The following NET1 variants were observed in gnomAD, a reference collection of about 807,000 sequenced individuals.
The protein encoded by NET1 is neuroepithelial cell transforming 1, also known as neuroepithelial cell-transforming gene 1 protein.
A neutral mutation model predicts 61.1 loss-of-function variants in NET1; 42 were observed. The observed-to-expected ratio is 0.69, with a 90% CI of 0.54 to 0.89. The LOEUF (loss-of-function observed/expected upper bound fraction) is 0.89. Ranked by LOEUF, NET1 falls within the 40% of genes least tolerant of loss-of-function variation. The pLI, the probability that NET1 is intolerant of heterozygous loss-of-function variation, is 0.00. For missense variants in NET1, 654 were observed against 747.3 expected (o/e 0.88, Z 1.46); for synonymous variants, 254 against 281.8 (o/e 0.90, Z 0.99).
Position 5,456,495 on chromosome 10 carries a change from A to G in NET1, c.1385-93A>G. 1 of 1,273,632 alleles carries G rather than the reference A, an allele frequency of 7.9e-7. No individual in the cohort carries two copies. Among genetic ancestry groups the G allele is most frequent in the Non-Finnish European group, 1.1e-6 (1 of 922,994 alleles). The allele number at this position is 1,273,632 out of a possible 1,614,324, so 78.9% of individuals were successfully genotyped here. A position where few individuals can be genotyped will look rare whatever the true frequency, so the allele number is the denominator to read the frequency against. On this transcript the variant is annotated intron_variant, in intron 11 of 11. Transcript: ENST00000355029. This position sits in a 1 kb window ranked among gnomAD's most constrained non-coding sequence, Gnocchi z 7.0. ...CATTGACATAAATAAATTGCCATAA[A>G]TTGACAGTCACGTTAAGATTGTATG...
rs1483910219 is a variant in NET1, at chr10:5,412,802, G to A, written c.110G>A (p.Gly37Glu). The change falls in exon 1 of 12, where the codon GGG becomes GAG. Residue 37 changes from glycine to glutamate, a missense_variant. Coordinates refer to ENST00000355029, the MANE Select transcript of NET1 (RefSeq NM_001047160.3). The surrounding 1 kb of genome is among the most constrained non-coding windows in gnomAD (Gnocchi z 6.5). The part of the protein sequence containing the change: ...GATGPSADTS[G>E]SELDGRCSLR... ...ACGGGGCCTTCGGCCGACACCTCCG[G>A]GTCGGAGCTGGACGGGAGGTGAGTG... 1.4e-6 allele frequency: 2 copies of A among 1,445,852 alleles called. No individual in the cohort carries two copies. The highest frequency in any genetic ancestry group is 1.8e-6 in the Non-Finnish European group (2 of 1,103,722). The allele number at this position is 1,445,852 out of a possible 1,614,324, so 89.6% of individuals were successfully genotyped here.
intron 1 of NET1, among the ~76,000 whole-genome samples, chr10:5,419,827 C>T (rs538294299): frequency 6.6e-6 from 1 of 152,162 alleles, no homozygotes; most frequent in East Asian, 1.9e-4. Context: ...TCTTTGAGCA[C>T]TTTGAATGTG....
chr10:5,451,511 T>A lies in NET1; in HGVS notation c.256-319T>A, dbSNP rs201319159. 2.0e-3 allele frequency among the ~76,000 whole-genome samples: 294 copies of A among 147,726 alleles called. 4 individuals carry two copies. Among genetic ancestry groups the A allele is most frequent in the Admixed American group, 0.015 (229 of 14,888 alleles). On this transcript the variant is annotated intron_variant, in intron 3 of 11. Coordinates refer to ENST00000355029, the MANE Select transcript of NET1 (RefSeq NM_001047160.3). The surrounding 1 kb of genome is among the most constrained non-coding windows in gnomAD (Gnocchi z 6.1). ...TTTTCATAACAATAAGGCTTTTTTT[T>A]AAAAAAAAAAAAAGTTATTCCCTGC...
At chr10:5,436,214 G>GCATATATA (rs1387050448) in intron 3 of NET1, among the ~76,000 whole-genome samples, 3 of 40,914 alleles carry the variant, frequency 7.3e-5, no homozygotes, top group African/African-American at 1.8e-4. Flanking sequence ...GTGTGTGTGT[G>GCATATATA]TGTGTGTGTG....
In NET1 at chr10:5,441,240, A is replaced by G. The variant is rs1336449333; in HGVS notation, c.256-10590A>G. On this transcript the variant is annotated intron_variant, in intron 3 of 11. Transcript: ENST00000355029. This position sits in a 1 kb window ranked among gnomAD's most constrained non-coding sequence, Gnocchi z 4.6. ...GGCCTTTCGGGTGTCCATCCCACACACCCGTGGCTACACATGTGCATGTGC... is the reference window on the plus strand; with the variant it reads ...GGCCTTTCGGGTGTCCATCCCACACGCCCGTGGCTACACATGTGCATGTGC... Among the ~76,000 whole-genome samples, 2 of 152,216 alleles carry G rather than the reference A, an allele frequency of 1.3e-5. No individual in the cohort carries two copies. The highest frequency in any genetic ancestry group is 2.9e-5 in the Non-Finnish European group (2 of 68,036).
chr10:5,428,053 T>C lies in NET1; in HGVS notation c.196-1117T>C, dbSNP rs1315259360. Among the ~76,000 whole-genome samples, 42 of 148,268 alleles carry C rather than the reference T, an allele frequency of 2.8e-4. 1 individual carries two copies. The East Asian group carries it at 7.9e-3, about 28-fold the overall frequency. ...TTTGCCGTTCCTTTTTTTTTTTTTT[T>C]TTTTTTTTTTTTTTCTTCTCTATTG... On this transcript the variant is annotated intron_variant, in intron 2 of 11. Coordinates refer to ENST00000355029, the MANE Select transcript of NET1 (RefSeq NM_001047160.3).
rs989155173 is a variant in NET1 at position 5,421,754 on chromosome 10, G to C, written c.129-4901G>C. On this transcript the variant is annotated intron_variant, in intron 1 of 11. Coordinates refer to ENST00000355029, the MANE Select transcript of NET1 (RefSeq NM_001047160.3). The surrounding 1 kb of genome is among the most constrained non-coding windows in gnomAD (Gnocchi z 4.2). The stretch of plus-strand genomic sequence containing the variant: ...CAGTCATTACCACAATCCATTGTTA[G>C]AACATTTCATCACCCCAAATATCCC... 1.1e-4 allele frequency among the ~76,000 whole-genome samples: 17 copies of C among 152,244 alleles called. No individual in the cohort carries two copies. The highest frequency in any genetic ancestry group is 3.6e-4 in the African/African-American group (15 of 41,552).
chr10:5,456,530 T>C lies in NET1; in HGVS notation c.1385-58T>C. 1 of 1,474,456 alleles carries C rather than the reference T, an allele frequency of 6.8e-7. No individual in the cohort carries two copies. Among genetic ancestry groups the C allele is most frequent in the Non-Finnish European group, 9.1e-7 (1 of 1,097,746 alleles). The allele number at this position is 1,474,456 out of a possible 1,614,324, so 91.3% of individuals were successfully genotyped here. A position where few individuals can be genotyped will look rare whatever the true frequency, so the allele number is the denominator to read the frequency against. ...ACGTTAAGATTGTATGACCACTTTG[T>C]CTAGAATAAACCTTTTTTTAGCCTG... On this transcript the variant is annotated intron_variant, in intron 11 of 11. Transcript: ENST00000355029. This position sits in a 1 kb window ranked among gnomAD's most constrained non-coding sequence, Gnocchi z 7.0.
chr10:5,442,515 C>T (rs1292860242), intron 3 of NET1, among the ~76,000 whole-genome samples: 2 of 152,128 alleles, frequency 1.3e-5, no homozygotes, highest in East Asian at 1.9e-4. Flanking sequence ...AACTCAGTTA[C>T]GTTTATAAAT....
chr10:5,456,847 A>T lies in NET1; in HGVS notation c.1644A>T (p.Glu548Asp). Residue 548 changes from glutamate to aspartate, a missense_variant, in exon 12 of 12, where the codon GAA becomes GAT. Physicochemically the swap from Glu to Asp is conservative, Grantham distance 45. Transcript: ENST00000355029. The surrounding 1 kb of genome is among the most constrained non-coding windows in gnomAD (Gnocchi z 7.0). The stretch of plus-strand genomic sequence containing the variant: ...CAGTTTCCAGTGTTACTCAGGTAGA[A>T]GTTGATGAAAACGCTTACAGATGTG... ...ASTVSSVTQV[E>D]VDENAYRCGS... 3.7e-6 allele frequency: 6 copies of T among 1,614,140 alleles called. No homozygotes were observed. Among genetic ancestry groups the T allele is most frequent in the Non-Finnish European group, 5.1e-6 (6 of 1,180,006 alleles).
Position 5,417,377 on chromosome 10 carries a change from G to A in NET1, c.128+4557G>A, listed in dbSNP as rs186768834. On this transcript the variant is annotated intron_variant, in intron 1 of 11. Coordinates refer to ENST00000355029, the MANE Select transcript of NET1 (RefSeq NM_001047160.3). The surrounding 1 kb of genome is among the most constrained non-coding windows in gnomAD (Gnocchi z 5.5). The stretch of plus-strand genomic sequence containing the variant: ...GAAATGCCTATCCTCACTTAGGTCC[G>A]TGGGCCCAGGCCTGGGGATGGAGCC... Among the ~76,000 whole-genome samples, 94 of 152,244 alleles carry A rather than the reference G, an allele frequency of 6.2e-4. No homozygotes were observed. The highest frequency in any genetic ancestry group is 1.2e-3 in the Non-Finnish European group (85 of 68,004).
At position 5,443,727 on chromosome 10, in the gene NET1, T is replaced by C. The variant is rs1350387765; in HGVS notation, c.256-8103T>C. Among the ~76,000 whole-genome samples, 1 of 152,218 alleles carries C rather than the reference T, an allele frequency of 6.6e-6. No homozygotes were observed. The highest frequency in any genetic ancestry group is 1.5e-5 in the Non-Finnish European group (1 of 68,042). On this transcript the variant is annotated intron_variant, in intron 3 of 11. Coordinates refer to ENST00000355029, the MANE Select transcript of NET1 (RefSeq NM_001047160.3). This position sits in a 1 kb window ranked among gnomAD's most constrained non-coding sequence, Gnocchi z 4.8. ...GGCTGTCATCAGTATACCCTATTTGTTTTCTATTTCTGTATTTACATATAA... is the reference window on the plus strand; with the variant it reads ...GGCTGTCATCAGTATACCCTATTTGCTTTCTATTTCTGTATTTACATATAA...
At chr10:5,432,478 A>G (rs771896262) in intron 3 of NET1, among the ~76,000 whole-genome samples, 4 of 152,212 alleles carry the variant, frequency 2.6e-5, no homozygotes, top group Non-Finnish European at 5.9e-5. Flanking sequence ...GTTATAACAT[A>G]GTAGGGATGT....
In NET1 at chr10:5,451,786, T is replaced by C; in HGVS notation, c.256-44T>C. 6.9e-7 allele frequency: 1 copy of C among 1,455,816 alleles called. No homozygotes were observed. The highest frequency in any genetic ancestry group is 1.2e-5 in the South Asian group (1 of 83,896). The allele number at this position is 1,455,816 out of a possible 1,614,324, so 90.2% of individuals were successfully genotyped here. ...TTTGTCCAAGTTTGTATGAAATCAT[T>C]GCACCTAGACATATATTTAGTGTCA... On this transcript the variant is annotated intron_variant, in intron 3 of 11. Transcript: ENST00000355029. This position sits in a 1 kb window ranked among gnomAD's most constrained non-coding sequence, Gnocchi z 6.1.
At position 5,423,234 on chromosome 10, in the gene NET1, A is replaced by G. The variant is rs1832207135; in HGVS notation, c.129-3421A>G. On this transcript the variant is annotated intron_variant, in intron 1 of 11. Coordinates refer to ENST00000355029, the MANE Select transcript of NET1 (RefSeq NM_001047160.3). The surrounding 1 kb of genome is among the most constrained non-coding windows in gnomAD (Gnocchi z 4.4). ...AGAATGCTTTTTTCCTGTTGGTAAT[A>G]GTAATTTTCAATACGTTTTTTGAAA... is the stretch of plus-strand genomic sequence containing the variant. Among the ~76,000 whole-genome samples the G allele has an allele frequency of 6.6e-6, 1 of 152,192 alleles. No homozygotes were observed. Among genetic ancestry groups the G allele is most frequent in the South Asian group, 2.1e-4 (1 of 4,834 alleles).
At chr10:5,428,328 G>A (rs1832292886) in intron 2 of NET1, among the ~76,000 whole-genome samples, 1 of 152,112 alleles carries the variant, frequency 6.6e-6, no homozygotes, top group African/African-American at 2.4e-5. Flanking sequence ...CAGAAGGGCT[G>A]AATGAAAGTG....
chr10:5,454,246 T>C lies in NET1; in HGVS notation c.769-19T>C. ...TCATAACAGGAACACATCATACCTTTTCTTTTATTACTCTTCAGTTACCGC... is the reference window on the plus strand; with the variant it reads ...TCATAACAGGAACACATCATACCTTCTCTTTTATTACTCTTCAGTTACCGC... On this transcript the variant is annotated intron_variant, in intron 8 of 11. Coordinates refer to ENST00000355029, the MANE Select transcript of NET1 (RefSeq NM_001047160.3). The surrounding 1 kb of genome is among the most constrained non-coding windows in gnomAD (Gnocchi z 8.1). 1 of 1,603,222 alleles carries C rather than the reference T, an allele frequency of 6.2e-7. No homozygotes were observed. The highest frequency in any genetic ancestry group is 8.5e-7 in the Non-Finnish European group (1 of 1,176,218).
rs199540362 is a variant in NET1 at position 5,446,861 on chromosome 10, A to G, written c.256-4969A>G. On this transcript the variant is annotated intron_variant, in intron 3 of 11. Transcript: ENST00000355029. This position sits in a 1 kb window ranked among gnomAD's most constrained non-coding sequence, Gnocchi z 5.0. ...ACCAGTCCTTCAGAGAACAAGAGGT[A>G]AGACTTTAAGAGAAACGTTAGGCAA... is the stretch of plus-strand genomic sequence containing the variant. The G allele has an allele frequency of 1.2e-3, 1,876 of 1,600,948 alleles. 2 individuals carry two copies. Among genetic ancestry groups the G allele is most frequent in the Non-Finnish European group, 1.4e-3 (1,692 of 1,172,568 alleles).
In NET1 at chr10:5,449,947, G is replaced by A. The variant is rs75312145; in HGVS notation, c.256-1883G>A. 3.7e-3 allele frequency among the ~76,000 whole-genome samples: 568 copies of A among 152,304 alleles called. 3 individuals are homozygous for A. The highest frequency in any genetic ancestry group is 0.013 in the African/African-American group (548 of 41,568). ...TTTCTGACAACTGCTTTGTTCCAGTGAAATGTCGGCATTTCTTACTCTGTG... is the reference window on the plus strand; with the variant it reads ...TTTCTGACAACTGCTTTGTTCCAGTAAAATGTCGGCATTTCTTACTCTGTG... On this transcript the variant is annotated intron_variant, in intron 3 of 11. Transcript: ENST00000355029. This position sits in a 1 kb window ranked among gnomAD's most constrained non-coding sequence, Gnocchi z 4.4.
Sources: gnomAD v4.1 joint callset for allele counts (sites outside exome capture counted in the v4.1 genomes callset) on GRCh38, gnomAD v4.1.1 for gene constraint, Gnocchi (gnomAD v3.1) non-coding constraint, MANE v1.5 for transcripts, NCBI Gene and HGNC (gene_info 2026-07-23, HGNC 2026-07-21) for gene names.